The following DGKI variants were observed in gnomAD, a reference collection of about 807,000 sequenced individuals.
DGKI encodes diacylglycerol kinase iota, also known as DAG kinase iota.
A neutral mutation model predicts 147.5 loss-of-function variants in DGKI; 55 were observed. That is an observed-to-expected ratio of 0.37 (90% CI 0.30 to 0.47). The LOEUF is 0.47. DGKI is among the 20% of genes least tolerant of loss of function. DGKI has a pLI of 1.00. For missense variants in DGKI, 1,007 were observed against 1,323.8 expected (o/e 0.76, Z 3.71); for synonymous variants, 469 against 477.1 (o/e 0.98, Z 0.22).
chr7:137,795,663 T>TG (rs1797000998), intron 1 of DGKI, among the ~76,000 whole-genome samples: 1 of 152,218 alleles, frequency 6.6e-6, no homozygotes, highest in Non-Finnish European at 1.5e-5. Context: ...GCCATGCATA[T>TG]GCGCAAGCTG....
At chr7:137,522,971 C>T (rs904166745) in intron 20 of DGKI, among the ~76,000 whole-genome samples, 4 of 151,468 alleles carry the variant, frequency 2.6e-5, no homozygotes, top group African/African-American at 4.9e-5. Flanking sequence ...CACTGACTAA[C>T]GTCATTGACT....
rs1445099976 is a variant in DGKI at position 137,846,777 on chromosome 7, G to A, written c.86C>T (p.Ala29Val). Reference sequence around the variant, plus strand: ...GCAGGGGCCGGGCGGGCTGGCGGCGGCGGCGGCGGCGGCTGCAGGAGCGCG... The same window carrying A: ...GCAGGGGCCGGGCGGGCTGGCGGCGACGGCGGCGGCGGCTGCAGGAGCGCG... Reference protein sequence around the residue: ...PARAPAAAAAAAASPPGPCSG... With the variant: ...PARAPAAAAAVAASPPGPCSG... Residue 29 changes from alanine (A) to valine (V), a missense_variant, in exon 1 of 33, where the codon GCC becomes GTC. Physicochemically the swap from Ala to Val is moderately conservative, Grantham distance 64. Coordinates refer to ENST00000614521, the MANE Select transcript of DGKI (RefSeq NM_001321708.2). The surrounding 1 kb of genome is among the most constrained non-coding windows in gnomAD (Gnocchi z 4.0). The A allele has an allele frequency of 9.3e-7, 1 of 1,072,090 alleles. No individual in the cohort carries two copies. The highest frequency in any genetic ancestry group is 1.1e-6 in the Non-Finnish European group (1 of 887,344). The allele number at this position is 1,072,090 out of a possible 1,614,324, so 66.4% of individuals were successfully genotyped here. A position where few individuals can be genotyped will look rare whatever the true frequency, so the allele number is the denominator to read the frequency against.
intron 20 of DGKI, among the ~76,000 whole-genome samples, chr7:137,534,935 A>G (rs928479635): frequency 1.3e-5 from 2 of 152,166 alleles, no homozygotes; most frequent in African/African-American, 4.8e-5. Flanking sequence ...TGTCTTTTAT[A>G]TAAAGAGGGA....
intron 28 of DGKI, among the ~76,000 whole-genome samples, chr7:137,430,757 G>A (rs1286413542): frequency 2.0e-5 from 3 of 152,038 alleles, no homozygotes; most frequent in African/African-American, 7.2e-5. Context: ...GATTTCTATA[G>A]AGAACAGTCA....
intron 19 of DGKI, among the ~76,000 whole-genome samples, chr7:137,562,266 T>C (rs1818441912): frequency 6.6e-6 from 1 of 152,244 alleles, no homozygotes; most frequent in Admixed American, 6.5e-5. Context: ...CTGGGCACAG[T>C]GGCTCACGCC....
intron 1 of DGKI, among the ~76,000 whole-genome samples, chr7:137,835,587 T>TC (rs933268983): frequency 7.2e-5 from 11 of 152,184 alleles, no homozygotes; most frequent in African/African-American, 2.7e-4. Flanking sequence ...TGTTTTTTTT[T>TC]CTTTTTCCCC....
chr7:137,713,133 G>A (rs1030700302), intron 1 of DGKI, among the ~76,000 whole-genome samples: 1 of 152,206 alleles, frequency 6.6e-6, no homozygotes, highest in African/African-American at 2.4e-5. Flanking sequence ...TGTCTCAGCT[G>A]TCTTTCCCAG....
At chr7:137,690,035 A>C (rs1263961793) in intron 1 of DGKI, 33 bp from the exon 2 acceptor site, 1 of 1,543,226 alleles carries the variant, frequency 6.5e-7, no homozygotes, top group Admixed American at 2.0e-5. Context: ...AACAAAAACA[A>C]AGAAAAACCA....
chr7:137,395,831 T>C (rs1811529771), intron 31 of DGKI, 134 bp from the exon 32 acceptor site: 3 of 663,630 alleles, frequency 4.5e-6, no homozygotes, highest in Non-Finnish European at 7.5e-6. Flanking sequence ...GTAGGGTACA[T>C]TCTGGGGAGG....
chr7:137,797,040 G>C (rs192287908), intron 1 of DGKI, among the ~76,000 whole-genome samples: 1 of 152,146 alleles, frequency 6.6e-6, no homozygotes, highest in African/African-American at 2.4e-5. Context: ...AACCGAATCA[G>C]ACAGAATCTT....
At chr7:137,623,114 ATGT>A (rs1479869524) in intron 7 of DGKI, among the ~76,000 whole-genome samples, 1 of 152,176 alleles carries the variant, frequency 6.6e-6, no homozygotes, top group Admixed American at 6.5e-5. Flanking sequence ...TTTGCTTCTA[ATGT>A]TGTACCTTCA....
chr7:137,706,108 A>C (rs1794012703), intron 1 of DGKI, among the ~76,000 whole-genome samples: 1 of 152,040 alleles, frequency 6.6e-6, no homozygotes, highest in Non-Finnish European at 1.5e-5. Flanking sequence ...TCTTTTTTAA[A>C]GATAATTTAA....
At position 137,557,779 on chromosome 7, in the gene DGKI, G is replaced by C. The variant is rs528249631; in HGVS notation, c.1948-5211C>G. On this transcript the variant is annotated intron_variant, in intron 19 of 32. Coordinates refer to ENST00000614521, the MANE Select transcript of DGKI (RefSeq NM_001321708.2). ...ACTGAGGCTCCAACTCTCCTGGAGC[G>C]ATTCCCTTCTCCAGAGTTCTAGTTC... 1.1e-4 allele frequency among the ~76,000 whole-genome samples: 16 copies of C among 152,218 alleles called. No individual in the cohort carries two copies. The South Asian group carries it at 3.3e-3, about 32-fold the overall frequency.
intron 1 of DGKI, among the ~76,000 whole-genome samples, chr7:137,701,505 G>A (rs989112912): frequency 2.0e-5 from 3 of 152,088 alleles, no homozygotes; most frequent in African/African-American, 7.2e-5. Flanking sequence ...TGGAGTCATA[G>A]TGTACAGACA....
At chr7:137,444,131 AT>A in intron 27 of DGKI, 29 bp from the exon 28 acceptor site, 1 of 1,223,730 alleles carries the variant, frequency 8.2e-7, no homozygotes, top group Non-Finnish European at 1.2e-6. Flanking sequence ...CATGATCAAT[AT>A]TTTATATGAT....
chr7:137,491,168 A>G (rs1343236920), intron 21 of DGKI, among the ~76,000 whole-genome samples: 2 of 152,232 alleles, frequency 1.3e-5, no homozygotes, highest in Non-Finnish European at 2.9e-5. Context: ...GCAAACTGGC[A>G]GTACCGGGTG....
intron 1 of DGKI, among the ~76,000 whole-genome samples, chr7:137,833,587 A>C (rs1792310842): frequency 6.6e-6 from 1 of 152,190 alleles, no homozygotes; most frequent in Admixed American, 6.5e-5. Context: ...ACCATATCAC[A>C]ACCTATGCTT....
intron 7 of DGKI, among the ~76,000 whole-genome samples, chr7:137,621,025 C>CA (rs1478263936): frequency 6.6e-6 from 1 of 152,064 alleles, no homozygotes; most frequent in African/African-American, 2.4e-5. Flanking sequence ...GGACCGTCTC[C>CA]AAAAAAACTG....
intron 30 of DGKI, among the ~76,000 whole-genome samples, chr7:137,402,228 G>A (rs189962981): frequency 6.6e-5 from 10 of 152,266 alleles, no homozygotes; most frequent in South Asian, 2.1e-4. Context: ...ATGAATAAAC[G>A]ACATTTTAAA....
Sources: gnomAD v4.1 joint callset for allele counts (sites outside exome capture counted in the v4.1 genomes callset) on GRCh38, gnomAD v4.1.1 for gene constraint, Gnocchi (gnomAD v3.1) non-coding constraint, MANE v1.5 for transcripts, NCBI Gene and HGNC (gene_info 2026-07-23, HGNC 2026-07-21) for gene names.